The following MEGF10 variants were observed in gnomAD, a reference collection of about 807,000 sequenced individuals.
The protein encoded by MEGF10 is multiple epidermal growth factor-like domains protein 10.
In MEGF10, 86 loss-of-function variants were observed where a neutral mutation model predicts 147.5. The ratio of observed to expected loss-of-function variants is 0.58; its 90% CI spans 0.49 to 0.70. The LOEUF is 0.70. Ranked by LOEUF, MEGF10 falls within the 30% of genes least tolerant of loss-of-function variation. The probability of loss-of-function intolerance (pLI) is 0.00; values close to 1 mark genes in which losing one functional copy is unlikely to be tolerated. For synonymous variants in MEGF10, 478 were observed against 525.5 expected, an observed-to-expected ratio of 0.91 and a Z score of 1.24; for missense variants, 1,329 against 1,487.3, an observed-to-expected ratio of 0.89 and a Z score of 1.75.
At chr5:127,286,873 T>C (rs141593054), upstream of MEGF10, among the ~76,000 whole-genome samples, 33 of 151,992 alleles carry the variant, frequency 2.2e-4, 1 homozygote, top group East Asian at 6.4e-3. Flanking sequence ...GACCAATAAT[T>C]TTAATGAGTA....
intron 22 of MEGF10, among the ~76,000 whole-genome samples, chr5:127,452,387 A>C (rs1229046444): frequency 6.6e-6 from 1 of 152,206 alleles, no homozygotes; most frequent in African/African-American, 2.4e-5. Flanking sequence ...AGCTGTTCTC[A>C]GAGGCCACAG....
intron 13 of MEGF10, among the ~76,000 whole-genome samples, chr5:127,428,026 C>A (rs1360369313): frequency 6.6e-6 from 1 of 151,922 alleles, no homozygotes; most frequent in Admixed American, 6.6e-5. Flanking sequence ...GGGAGGTGCT[C>A]ATTTCCCCCA....
At chr5:127,239,656 G>A in the MEGF10 span, among the ~76,000 whole-genome samples, 1 of 151,936 alleles carries the variant, frequency 6.6e-6, no homozygotes, top group African/African-American at 2.4e-5. Context: ...AGTAGAGAAA[G>A]ATTGGGAATA....
chr5:127,300,483 T>C (rs1255827818), intron 1 of MEGF10, among the ~76,000 whole-genome samples: 1 of 152,204 alleles, frequency 6.6e-6, no homozygotes, highest in Non-Finnish European at 1.5e-5. Context: ...AGAATAAGGG[T>C]CCTGCCCAAC....
rs1252068327 is a variant in MEGF10, at chr5:127,420,616, CAT to C, written c.1590+411_1590+412del. Among the ~76,000 whole-genome samples, 6 of 152,082 alleles carry C rather than the reference CAT, an allele frequency of 3.9e-5. No homozygotes were observed. In the East Asian group the frequency reaches 1.2e-3, roughly 29 times the overall value. ...TTGAAAGGAGGGTGGTGACTGATGT[CAT>C]AGAAATGCTCATGGAAGTGTTGAAA... On this transcript the variant is annotated intron_variant, in intron 12 of 24. Transcript: ENST00000503335.
chr5:127,258,500 G>A, the MEGF10 span, among the ~76,000 whole-genome samples: 1 of 152,026 alleles, frequency 6.6e-6, no homozygotes, highest in Admixed American at 6.6e-5. Flanking sequence ...ATATTACTTT[G>A]AAAGATACAC....
chr5:127,368,668 T>A (rs1762740892), intron 4 of MEGF10, among the ~76,000 whole-genome samples: 1 of 152,164 alleles, frequency 6.6e-6, no homozygotes, highest in African/African-American at 2.4e-5. Flanking sequence ...CCCTTATATA[T>A]CTTCATCTCT....
At chr5:127,424,638 G>C in intron 13 of MEGF10, 2 of 1,149,294 alleles carry the variant, frequency 1.7e-6, no homozygotes, top group Non-Finnish European at 2.2e-6. Flanking sequence ...GAGCTACCTT[G>C]GGAAACAGGC....
chr5:127,396,023 C>T (rs899439475), intron 5 of MEGF10, among the ~76,000 whole-genome samples: 3 of 152,184 alleles, frequency 2.0e-5, no homozygotes, highest in African/African-American at 7.2e-5. Flanking sequence ...CTCTCTGCCT[C>T]TCATCGTCAG....
At chr5:127,230,050 T>C in the MEGF10 span, among the ~76,000 whole-genome samples, 2 of 151,892 alleles carry the variant, frequency 1.3e-5, no homozygotes, top group African/African-American at 4.8e-5. Context: ...AAAATTTTAG[T>C]TTTTGGTAAT....
chr5:127,393,961 C>A (rs1763807327), intron 5 of MEGF10, among the ~76,000 whole-genome samples: 1 of 152,116 alleles, frequency 6.6e-6, no homozygotes, highest in South Asian at 2.1e-4. Context: ...AGTTCCTCTA[C>A]TTCTCCCTAC....
At chr5:127,307,696 C>T (rs1760075650) in intron 1 of MEGF10, among the ~76,000 whole-genome samples, 1 of 152,156 alleles carries the variant, frequency 6.6e-6, no homozygotes, top group African/African-American at 2.4e-5. Flanking sequence ...GAGATATTTT[C>T]TTCCAACCCA....
intron 5 of MEGF10, among the ~76,000 whole-genome samples, chr5:127,385,977 A>G (rs957908503): frequency 6.6e-6 from 1 of 152,176 alleles, no homozygotes; most frequent in Non-Finnish European, 1.5e-5. Flanking sequence ...GCATGGTAGC[A>G]TGTTCTTGTA....
At chr5:127,408,136 A>G (rs569412904) in intron 8 of MEGF10, among the ~76,000 whole-genome samples, 1 of 152,224 alleles carries the variant, frequency 6.6e-6, no homozygotes, top group Admixed American at 6.5e-5. Context: ...GTCTCTGCCA[A>G]GATATGATAA....
the MEGF10 span, among the ~76,000 whole-genome samples, chr5:127,246,952 AT>A: frequency 8.1e-3 from 12 of 1,478 alleles, no homozygotes; most frequent in Non-Finnish European, 4.7e-3. Context: ...ATTATATATA[AT>A]AAATAATATA....
At chr5:127,330,442 G>A (rs913983816) in intron 1 of MEGF10, among the ~76,000 whole-genome samples, 3 of 152,016 alleles carry the variant, frequency 2.0e-5, no homozygotes, top group African/African-American at 7.3e-5. Flanking sequence ...CTCCCTAAAT[G>A]CACCTGGCCC....
intron 13 of MEGF10, among the ~76,000 whole-genome samples, chr5:127,428,398 A>G (rs76537010): frequency 0.019 from 2,831 of 152,238 alleles, 54 homozygotes; most frequent in South Asian, 0.078. Context: ...CCCATCCTGC[A>G]GAAGCTCACA....
chr5:127,380,778 A>G (rs1214378097), intron 5 of MEGF10, among the ~76,000 whole-genome samples: 2 of 152,094 alleles, frequency 1.3e-5, no homozygotes, highest in African/African-American at 2.4e-5. Flanking sequence ...CGGCCTCCCA[A>G]AGTGCTGGGA....
At chr5:127,247,401 GAAGAA>G in the MEGF10 span, among the ~76,000 whole-genome samples, 1 of 54,598 alleles carries the variant, frequency 1.8e-5, no homozygotes, top group East Asian at 4.0e-4. Flanking sequence ...AGAAGAAGAA[GAAGAA>G]GAAGAAGAAG....
Sources: allele counts gnomAD v4.1 joint callset (sites outside exome capture counted in the v4.1 genomes callset), GRCh38; gene constraint gnomAD v4.1.1; transcripts MANE v1.5; gene names NCBI Gene and HGNC (gene_info 2026-07-23, HGNC 2026-07-21).